Variants in OR1B1 observed in about 807,000 individuals in gnomAD.
OR1B1 encodes the protein olfactory receptor family 1 subfamily B member 1, also known as olfactory receptor 1B1.
For missense variants in OR1B1, 414 were observed against 402.1 expected, an observed-to-expected ratio of 1.03 and a Z score of -0.25; for synonymous variants, 168 against 156.2, an observed-to-expected ratio of 1.08 and a Z score of -0.57.
chr9:122,639,208 T>C, the OR1B1 span, among the ~76,000 whole-genome samples: 1 of 152,172 alleles, frequency 6.6e-6, no homozygotes, highest in African/African-American at 2.4e-5. Flanking sequence ...CTTCTTAACA[T>C]GTTTATATAT....
chr9:122,628,389 G>T (rs777549967), downstream of OR1B1, among the ~76,000 whole-genome samples: 2 of 152,146 alleles, frequency 1.3e-5, no homozygotes, highest in African/African-American at 2.4e-5. Context: ...TGATAAGGGA[G>T]CCCTGATCTT....
At chr9:122,629,490 G>C in exon 1 of OR1B1, 2 of 1,570,156 alleles carry the variant, frequency 1.3e-6, no homozygotes, top group Non-Finnish European at 1.7e-6. Context: ...AACCCAAGGA[G>C]CAAAAAAACC....
the OR1B1 span, among the ~76,000 whole-genome samples, chr9:122,654,461 G>C: frequency 6.6e-6 from 1 of 151,854 alleles, no homozygotes; most frequent in South Asian, 2.1e-4. Context: ...AACCAGATGG[G>C]GTCCATTTCT....
At chr9:122,632,197 C>T (rs1394832462), upstream of OR1B1, among the ~76,000 whole-genome samples, 4 of 151,850 alleles carry the variant, frequency 2.6e-5, no homozygotes, top group East Asian at 7.7e-4. Context: ...TAACCTCCTC[C>T]AAATGTCATA....
chr9:122,634,630 T>C, the OR1B1 span, among the ~76,000 whole-genome samples: 2 of 151,954 alleles, frequency 1.3e-5, no homozygotes, highest in East Asian at 3.9e-4. Flanking sequence ...CATGATCCAA[T>C]CACCTCCCAC....
At chr9:122,629,617 A>C, upstream of OR1B1, 1 of 847,450 alleles carries the variant, frequency 1.2e-6, no homozygotes, top group Non-Finnish European at 1.9e-6. Flanking sequence ...TAGCATTTCT[A>C]GTTAATTATA....
the OR1B1 span, among the ~76,000 whole-genome samples, chr9:122,648,545 A>G: frequency 6.6e-6 from 1 of 152,076 alleles, no homozygotes; most frequent in Non-Finnish European, 1.5e-5. Flanking sequence ...TAATTGTTTT[A>G]AGGAAGTCTC....
the OR1B1 span, among the ~76,000 whole-genome samples, chr9:122,648,063 A>T: frequency 3.9e-5 from 6 of 152,204 alleles, no homozygotes; most frequent in Non-Finnish European, 8.8e-5. Context: ...TCCTTAAAAA[A>T]AATACAGATC....
At chr9:122,633,225 C>G (rs184766108), upstream of OR1B1, among the ~76,000 whole-genome samples, 50 of 152,110 alleles carry the variant, frequency 3.3e-4, no homozygotes, top group East Asian at 8.7e-3. Context: ...TCAAATAAGT[C>G]CAAGAAAAAA....
the OR1B1 span, among the ~76,000 whole-genome samples, chr9:122,644,656 G>C: frequency 6.6e-6 from 1 of 152,176 alleles, no homozygotes; most frequent in African/African-American, 2.4e-5. Context: ...ATATGTTTGG[G>C]GAAAAGTAAG....
chr9:122,640,472 A>G, the OR1B1 span, among the ~76,000 whole-genome samples: 1 of 152,184 alleles, frequency 6.6e-6, no homozygotes, highest in African/African-American at 2.4e-5. Context: ...CGAAGGATCC[A>G]GAGAGAATAA....
chr9:122,629,123 A>G, exon 1 of OR1B1: 2 of 1,614,140 alleles, frequency 1.2e-6, no homozygotes, highest in African/African-American at 2.7e-5. Context: ...TTGGTGATTC[A>G]TTACCAAAGC....
At chr9:122,639,643 G>A in the OR1B1 span, 1 of 151,742 alleles carries the variant, frequency 6.6e-6, no homozygotes, top group East Asian at 1.9e-4. Flanking sequence ...TCACAAAGTT[G>A]TTGGAAGAAT....
At chr9:122,636,608 C>T in the OR1B1 span, among the ~76,000 whole-genome samples, 10 of 152,050 alleles carry the variant, frequency 6.6e-5, 1 homozygote, top group Admixed American at 5.2e-4. Flanking sequence ...AAGAATGAAA[C>T]TCTGTCTCAA....
chr9:122,641,639 C>A, the OR1B1 span, among the ~76,000 whole-genome samples: 1 of 152,112 alleles, frequency 6.6e-6, no homozygotes, highest in African/African-American at 2.4e-5. Flanking sequence ...TCAAAACATA[C>A]AAAATTTCAC....
chr9:122,655,490 A>T, the OR1B1 span, among the ~76,000 whole-genome samples: 1 of 152,238 alleles, frequency 6.6e-6, no homozygotes, highest in East Asian at 1.9e-4. Flanking sequence ...GCCATGGAAT[A>T]CTATGCAGCC....
chr9:122,629,525 A>C (rs1830184777), exon 1 of OR1B1: 1 of 1,600,850 alleles, frequency 6.2e-7, no homozygotes. Context: ...ATTAGGGGCA[A>C]AGCTCATCAT....
upstream of OR1B1, among the ~76,000 whole-genome samples, chr9:122,633,059 C>G (rs914970109): frequency 6.6e-6 from 1 of 152,122 alleles, no homozygotes; most frequent in African/African-American, 2.4e-5. Context: ...ATCATGAGAA[C>G]AGCACAGGAC....
the OR1B1 span, among the ~76,000 whole-genome samples, chr9:122,654,935 T>A: frequency 6.6e-6 from 1 of 152,230 alleles, no homozygotes; most frequent in East Asian, 1.9e-4. Context: ...TAAAAGACTT[T>A]AAATGTTTTC....
Sources: gnomAD v4.1 joint callset for allele counts (sites outside exome capture counted in the v4.1 genomes callset) on GRCh38, gnomAD v4.1.1 for gene constraint, MANE v1.5 for transcripts, NCBI Gene and HGNC (gene_info 2026-07-23, HGNC 2026-07-21) for gene names.